Variants in TRPM4 observed in about 807,000 individuals in gnomAD.
The protein encoded by TRPM4 is calcium-activated non-selective cation channel 1.
In TRPM4, 124 loss-of-function variants were observed where a neutral mutation model predicts 135.6. The observed-to-expected ratio is 0.91, with a 90% CI of 0.79 to 1.06. TRPM4 has a LOEUF of 1.06. Ranked by LOEUF, TRPM4 falls within the 50% of genes least tolerant of loss-of-function variation. TRPM4 has a pLI of 0.00. For synonymous variants in TRPM4, 745 were observed against 705.6 expected, an observed-to-expected ratio of 1.06 and a Z score of -0.88; for missense variants, 1,658 against 1,671.4, an observed-to-expected ratio of 0.99 and a Z score of 0.14.
intron 10 of TRPM4, among the ~76,000 whole-genome samples, chr19:49,182,369 C>CCTCT (rs1967996421): frequency 6.7e-6 from 1 of 150,330 alleles, no homozygotes; most frequent in Non-Finnish European, 1.5e-5. Context: ...TCCATCCATC[C>CCTCT]ATCCATCCAT....
chr19:49,187,192 C>CT (rs1968228277), intron 12 of TRPM4, among the ~76,000 whole-genome samples: 1 of 142,474 alleles, frequency 7.0e-6, no homozygotes, highest in African/African-American at 2.9e-5. Flanking sequence ...TAAGCATTTT[C>CT]TTGTTTTTTT....
At chr19:49,203,393 A>G (rs576540739) in intron 20 of TRPM4, among the ~76,000 whole-genome samples, 9 of 151,536 alleles carry the variant, frequency 5.9e-5, no homozygotes, top group Non-Finnish European at 1.3e-4. Context: ...GTTAGCCAGG[A>G]TGGTTTCGAT....
At chr19:49,177,895 G>A (rs1024682131) in intron 9 of TRPM4, among the ~76,000 whole-genome samples, 14 of 152,164 alleles carry the variant, frequency 9.2e-5, no homozygotes, top group African/African-American at 3.4e-4. Context: ...GGGTTGGTAT[G>A]TATCATTGGC....
chr19:49,200,842 G>A (rs1396765919), intron 19 of TRPM4, 57 bp downstream of exon 19: 1 of 1,581,172 alleles, frequency 6.3e-7, no homozygotes, highest in Non-Finnish European at 8.6e-7. Context: ...CGCTCCCTGG[G>A]TCTCTGTCCT....
At chr19:49,159,177 G>C (rs1319551942) in intron 2 of TRPM4, 2 of 151,696 alleles carry the variant, frequency 1.3e-5, no homozygotes, top group Non-Finnish European at 2.9e-5. Context: ...GACTACAGGC[G>C]CCCGCCACCA....
chr19:49,210,663 T>G lies in TRPM4; in HGVS notation c.3329-47T>G. The G allele has an allele frequency of 1.9e-6, 3 of 1,613,442 alleles. No homozygotes were observed. The highest frequency in any genetic ancestry group is 2.5e-6 in the Non-Finnish European group (3 of 1,179,872). On this transcript the variant is annotated intron_variant, in intron 21 of 24. Transcript: ENST00000252826. This position sits in a 1 kb window ranked among gnomAD's most constrained non-coding sequence, Gnocchi z 4.1. ...GGGTGTCGGAAGGGGCAGCTGGGAT[T>G]GGGAAGGGGCGTGGCCTGAGCCCTT...
chr19:49,179,561 G>T (rs183926693), intron 9 of TRPM4, among the ~76,000 whole-genome samples: 1 of 152,102 alleles, frequency 6.6e-6, no homozygotes, highest in African/African-American at 2.4e-5. Context: ...TGTTACCCAG[G>T]CTGGTCTCGA....
intron 20 of TRPM4, among the ~76,000 whole-genome samples, chr19:49,207,634 CTCAA>C (rs1969197163): frequency 1.2e-5 from 1 of 83,540 alleles, no homozygotes; most frequent in African/African-American, 7.8e-5. Context: ...GAAACCTTGT[CTCAA>C]AAAAAAAAAA....
intron 9 of TRPM4, among the ~76,000 whole-genome samples, chr19:49,175,445 G>C (rs1967649609): frequency 6.6e-6 from 1 of 152,170 alleles, no homozygotes; most frequent in South Asian, 2.1e-4. Flanking sequence ...CTGGGCTAAA[G>C]CTATCTGCCC....
At chr19:49,197,211 C>T (rs1317473721) in intron 17 of TRPM4, among the ~76,000 whole-genome samples, 1 of 152,124 alleles carries the variant, frequency 6.6e-6, no homozygotes, top group Non-Finnish European at 1.5e-5. Context: ...CCCTTCTCTT[C>T]CTCCACATAG....
chr19:49,189,881 T>C (rs1448047375), intron 14 of TRPM4, among the ~76,000 whole-genome samples: 2 of 152,142 alleles, frequency 1.3e-5, no homozygotes, highest in Admixed American at 1.3e-4. Context: ...TTTGGGCCGT[T>C]TCCTTAACCT....
Position 49,200,282 on chromosome 19 carries a change from C to G in TRPM4, c.2646-18C>G, listed in dbSNP as rs1200997384. 1 of 1,614,128 alleles carries G rather than the reference C, an allele frequency of 6.2e-7. No homozygotes were observed. Among genetic ancestry groups the G allele is most frequent in the Non-Finnish European group, 8.5e-7 (1 of 1,180,024 alleles). ...GTCTTGTGACACTTGACCCTTGTGG[C>G]ATCTCCCCACACCCCAGGCTGACCC... On this transcript the variant is annotated intron_variant, in intron 17 of 24. Coordinates refer to ENST00000252826, the MANE Select transcript of TRPM4 (RefSeq NM_017636.4).
At position 49,210,536 on chromosome 19, in the gene TRPM4, AG is replaced by A; in HGVS notation, c.3328+135del. The A allele has an allele frequency of 7.1e-7, 1 of 1,416,980 alleles. No individual in the cohort carries two copies. Among genetic ancestry groups the A allele is most frequent in the African/African-American group, 1.4e-5 (1 of 71,290 alleles). The allele number at this position is 1,416,980 out of a possible 1,614,324, so 87.8% of individuals were successfully genotyped here. ...AGCGAGGGGCGGGGTTTAAGCAACA[AG>A]GGGCGGAGCTTAAGCACTGAGGGGC... On this transcript the variant is annotated intron_variant, in intron 21 of 24. Transcript: ENST00000252826. This position sits in a 1 kb window ranked among gnomAD's most constrained non-coding sequence, Gnocchi z 4.1.
chr19:49,178,768 AT>A (rs973698566), intron 9 of TRPM4, among the ~76,000 whole-genome samples: 2 of 95,996 alleles, frequency 2.1e-5, no homozygotes, highest in Admixed American at 1.9e-4. Flanking sequence ...TTATTTTTTT[AT>A]TTTTTTTGAG....
chr19:49,198,646 CA>C (rs35173042), intron 17 of TRPM4, among the ~76,000 whole-genome samples: 23,867 of 72,778 alleles, frequency 0.33, 1,963 homozygotes, highest in Middle Eastern at 0.4. Context: ...AAAACTCTGT[CA>C]AAAAAAAAAA....
Position 49,168,657 on chromosome 19 carries a change from A to G in TRPM4, c.717A>G (p.Thr239=). The G allele has an allele frequency of 1.2e-6, 2 of 1,613,320 alleles. No homozygotes were observed. Among genetic ancestry groups the G allele is most frequent in the Non-Finnish European group, 8.5e-7 (1 of 1,179,936 alleles). ...YSAFFLVDDG[T]HGCLGGENRF... Reference sequence around the variant, plus strand: ...CCTTCTTCCTGGTGGACGACGGCACACACGGCTGCCTGGGGGGCGAGAACC... The same window carrying G: ...CCTTCTTCCTGGTGGACGACGGCACGCACGGCTGCCTGGGGGGCGAGAACC... Residue 239 remains threonine, a synonymous_variant, in exon 6 of 25, where the codon ACA becomes ACG. Coordinates refer to ENST00000252826, the MANE Select transcript of TRPM4 (RefSeq NM_017636.4).
At chr19:49,159,628 G>A (rs1966891077) in intron 2 of TRPM4, 1 of 152,050 alleles carries the variant, frequency 6.6e-6, no homozygotes, top group Non-Finnish European at 1.5e-5. Context: ...GATTACAGGT[G>A]CCTACCACCA....
Position 49,210,900 on chromosome 19 carries a change from A to C in TRPM4, c.3461+58A>C. 6.7e-7 allele frequency: 1 copy of C among 1,498,208 alleles called. No individual in the cohort carries two copies. The allele number at this position is 1,498,208 out of a possible 1,614,324, so 92.8% of individuals were successfully genotyped here. ...CTGGCCTGGGGCGGATCCTGACTTC[A>C]GCTGAAGGCAGGGTCCTGGGAGGGA... On this transcript the variant is annotated intron_variant, in intron 22 of 24. Transcript: ENST00000252826. This position sits in a 1 kb window ranked among gnomAD's most constrained non-coding sequence, Gnocchi z 4.1.
chr19:49,196,252 T>C (rs528281471), intron 16 of TRPM4, among the ~76,000 whole-genome samples, 188 bp from the exon 17 acceptor site: 171 of 152,290 alleles, frequency 1.1e-3, no homozygotes, highest in African/African-American at 3.9e-3. Flanking sequence ...TCAATCCACC[T>C]CTTGACCGGA....
Sources: allele counts gnomAD v4.1 joint callset (sites outside exome capture counted in the v4.1 genomes callset), GRCh38; gene constraint gnomAD v4.1.1; non-coding constraint Gnocchi (gnomAD v3.1); transcripts MANE v1.5; gene names NCBI Gene and HGNC (gene_info 2026-07-23, HGNC 2026-07-21).